The following MAGI2 variants were observed in gnomAD, a reference collection of about 807,000 sequenced individuals.
MAGI2 encodes the protein membrane associated guanylate kinase, WW and PDZ domain containing 2.
MAGI2 carries 35 observed loss-of-function variants against 133.3 expected under a neutral mutation model. The ratio of observed to expected loss-of-function variants is 0.26; its 90% confidence interval spans 0.20 to 0.35. The LOEUF (loss-of-function observed/expected upper bound fraction) is 0.35, where lower values mean the gene tolerates loss of function less well. Among genes scored for constraint, MAGI2 ranks in the 10% least tolerant of loss-of-function variants. The pLI is 1.00. For synonymous variants in MAGI2, 729 were observed against 710.6 expected (o/e 1.03, Z -0.41); for missense variants, 1,636 against 1,863.4 (o/e 0.88, Z 2.25).
chr7:78,915,318 A>G (rs1325060012), intron 2 of MAGI2, among the ~76,000 whole-genome samples: 4 of 152,286 alleles, frequency 2.6e-5, no homozygotes, highest in Non-Finnish European at 4.4e-5. Flanking sequence ...TGGCAATTTT[A>G]TAGCAGTTTG....
Position 78,337,891 on chromosome 7 carries a change from ACCATCCAT to A in MAGI2, c.1408+5879_1408+5886del, listed in dbSNP as rs112967411. 5.3e-5 allele frequency among the ~76,000 whole-genome samples: 8 copies of A among 150,104 alleles called. No homozygotes were observed. In the East Asian group the frequency reaches 5.9e-4, roughly 11 times the overall value. ...CATTTATAAAAGCATCCATCCAATCACCATCCATCCATCCATCCATCCATCCATCCATC... is the reference window on the plus strand; with the variant it reads ...CATTTATAAAAGCATCCATCCAATCACCATCCATCCATCCATCCATCCATC... On this transcript the variant is annotated intron_variant, in intron 9 of 21. Coordinates refer to ENST00000354212, the MANE Select transcript of MAGI2 (RefSeq NM_012301.4).
chr7:79,035,601 G>A (rs1811055343), intron 1 of MAGI2, among the ~76,000 whole-genome samples: 1 of 152,098 alleles, frequency 6.6e-6, no homozygotes, highest in African/African-American at 2.4e-5. Context: ...ATCATAAGGT[G>A]CACAGTAATT....
chr7:79,292,986 C>A (rs1836627345), intron 1 of MAGI2, among the ~76,000 whole-genome samples: 1 of 152,128 alleles, frequency 6.6e-6, no homozygotes, highest in South Asian at 2.1e-4. Context: ...CCACTGCACT[C>A]CGGAAAAATT....
At chr7:78,626,537 C>A (rs993481191) in intron 3 of MAGI2, among the ~76,000 whole-genome samples, 37 of 152,232 alleles carry the variant, frequency 2.4e-4, no homozygotes, top group African/African-American at 8.7e-4. Flanking sequence ...TTCCTGCATT[C>A]AAGGTTTTGG....
At chr7:78,652,915 A>G (rs1270732041) in intron 2 of MAGI2, among the ~76,000 whole-genome samples, 2 of 152,096 alleles carry the variant, frequency 1.3e-5, no homozygotes, top group Non-Finnish European at 2.9e-5. Flanking sequence ...CAGAATCTAC[A>G]AAGAACTTAA....
intron 9 of MAGI2, among the ~76,000 whole-genome samples, chr7:78,260,757 G>T (rs1793440459): frequency 6.6e-6 from 1 of 152,050 alleles, no homozygotes; most frequent in African/African-American, 2.4e-5. Flanking sequence ...CACAGGTCTG[G>T]TCTCACACTA....
chr7:78,161,961 C>T (rs913060303), intron 15 of MAGI2, among the ~76,000 whole-genome samples: 1 of 152,140 alleles, frequency 6.6e-6, no homozygotes, highest in Non-Finnish European at 1.5e-5. Context: ...TTTAAAGCTT[C>T]GCTTGTAAAA....
chr7:79,181,933 C>T (rs1826656873), intron 1 of MAGI2, among the ~76,000 whole-genome samples: 1 of 151,978 alleles, frequency 6.6e-6, no homozygotes, highest in South Asian at 2.1e-4. Flanking sequence ...CAAGAGTCAC[C>T]TTTGCTCCAG....
chr7:78,311,499 G>A (rs1426810022), intron 9 of MAGI2, among the ~76,000 whole-genome samples: 1 of 152,182 alleles, frequency 6.6e-6, no homozygotes, highest in Non-Finnish European at 1.5e-5. Flanking sequence ...TCTAAAGAGA[G>A]GGAAGTAGTA....
At chr7:78,227,104 ATTCTT>A (rs543316165) in intron 10 of MAGI2, among the ~76,000 whole-genome samples, 269 of 152,308 alleles carry the variant, frequency 1.8e-3, no homozygotes, top group Non-Finnish European at 2.7e-3. Flanking sequence ...TGGTGTTTCT[ATTCTT>A]TTCTTGTACA....
In MAGI2 at chr7:78,264,028, G is replaced by A. The variant is rs562544483; in HGVS notation, c.1409-7447C>T. ...CACCTTTTAAACCACCTTTCTGACC[G>A]CCTCCTTTAGCTGAATGTTAATTAC... On this transcript the variant is annotated intron_variant, in intron 9 of 21. Coordinates refer to ENST00000354212, the MANE Select transcript of MAGI2 (RefSeq NM_012301.4). Among the ~76,000 whole-genome samples the A allele has an allele frequency of 9.9e-5, 15 of 152,098 alleles. No individual in the cohort carries two copies. The East Asian group carries it at 1.9e-3, about 20-fold the overall frequency.
chr7:78,571,045 C>A (rs1801444451), intron 3 of MAGI2, among the ~76,000 whole-genome samples: 1 of 152,150 alleles, frequency 6.6e-6, no homozygotes, highest in South Asian at 2.1e-4. Context: ...ATATATTCAT[C>A]TATAGGCTGG....
chr7:78,033,847 G>A (rs151000085), intron 21 of MAGI2, among the ~76,000 whole-genome samples: 25 of 152,252 alleles, frequency 1.6e-4, no homozygotes, highest in African/African-American at 5.3e-4. Context: ...AGCTCAGAAG[G>A]CAATTTGTGG....
chr7:78,547,663 ACACT>A (rs1342230874), intron 3 of MAGI2, among the ~76,000 whole-genome samples: 4 of 152,338 alleles, frequency 2.6e-5, no homozygotes, highest in Admixed American at 1.3e-4. Context: ...GCGCACACAC[ACACT>A]CACTCAGATT....
chr7:79,381,561 C>T (rs1231219219), intron 1 of MAGI2, among the ~76,000 whole-genome samples: 1 of 151,634 alleles, frequency 6.6e-6, no homozygotes, highest in Non-Finnish European at 1.5e-5. Flanking sequence ...TCTATTAATG[C>T]AATCTAAATA....
At chr7:78,658,211 C>T (rs760551941) in intron 2 of MAGI2, among the ~76,000 whole-genome samples, 1 of 151,788 alleles carries the variant, frequency 6.6e-6, no homozygotes, top group Non-Finnish European at 1.5e-5. Flanking sequence ...CAGGTGCAAA[C>T]ACAATTAAAT....
At chr7:78,853,246 C>T (rs1793297254) in intron 2 of MAGI2, among the ~76,000 whole-genome samples, 1 of 141,170 alleles carries the variant, frequency 7.1e-6, no homozygotes, top group African/African-American at 2.6e-5. Flanking sequence ...AGATCTGGAA[C>T]TATATAGGAG....
intron 1 of MAGI2, among the ~76,000 whole-genome samples, chr7:79,144,893 A>C (rs1241365489): frequency 6.6e-6 from 1 of 152,146 alleles, no homozygotes; most frequent in Admixed American, 6.5e-5. Context: ...GTTTCTGTGA[A>C]TATTACGGGT....
At chr7:79,449,353 A>ATTT (rs11439144) in intron 1 of MAGI2, among the ~76,000 whole-genome samples, 1,766 of 142,912 alleles carry the variant, frequency 0.012, 15 homozygotes, top group African/African-American at 0.021. Context: ...AAGAATTAGA[A>ATTT]TTTTTTTTTT....
Sources: gnomAD v4.1 joint callset for allele counts (sites outside exome capture counted in the v4.1 genomes callset) on GRCh38, gnomAD v4.1.1 for gene constraint, MANE v1.5 for transcripts, NCBI Gene and HGNC (gene_info 2026-07-23, HGNC 2026-07-21) for gene names.